The following ULK4 variants were observed in gnomAD, a reference collection of about 807,000 sequenced individuals.
The protein encoded by ULK4 is inactive serine/threonine-protein kinase ULK4.
A neutral mutation model predicts 160.6 loss-of-function variants in ULK4; 133 were observed. The observed-to-expected ratio is 0.83, with a 90% confidence interval of 0.72 to 0.96. ULK4 has a LOEUF of 0.96. ULK4 is among the 40% of genes least tolerant of loss of function. The pLI is 0.00. For missense variants in ULK4, 1,580 were observed against 1,499.5 expected, an observed-to-expected ratio of 1.05 and a Z score of -0.89; for synonymous variants, 534 against 539.8, an observed-to-expected ratio of 0.99 and a Z score of 0.15.
chr3:41,724,128 A>T (rs2037565884), intron 22 of ULK4, among the ~76,000 whole-genome samples: 1 of 152,212 alleles, frequency 6.6e-6, no homozygotes, highest in Admixed American at 6.5e-5. Context: ...TTCTACATTT[A>T]TGTCTGCTGG....
At chr3:41,452,645 C>T (rs1486838990) in intron 34 of ULK4, among the ~76,000 whole-genome samples, 1 of 152,014 alleles carries the variant, frequency 6.6e-6, no homozygotes. Flanking sequence ...GCTTCTTAAA[C>T]AAAAATGCTT....
intron 34 of ULK4, among the ~76,000 whole-genome samples, chr3:41,453,347 T>C (rs950148453): frequency 1.3e-5 from 2 of 151,898 alleles, no homozygotes; most frequent in African/African-American, 4.8e-5. Context: ...GGCCAAATTT[T>C]AAACATTTTT....
In ULK4 at chr3:41,652,597, C is replaced by T. The variant is rs1575531557; in HGVS notation, c.3071+11010G>A. On this transcript the variant is annotated intron_variant, in intron 30 of 36. Coordinates refer to ENST00000301831, the MANE Select transcript of ULK4 (RefSeq NM_017886.4). ...AGGCTGAACTGAACAAGGATATAGACTCAAACTACGAATCAAATAGTTCCA... is the reference window on the plus strand; with the variant it reads ...AGGCTGAACTGAACAAGGATATAGATTCAAACTACGAATCAAATAGTTCCA... Among the ~76,000 whole-genome samples the T allele has an allele frequency of 2.0e-5, 3 of 152,286 alleles. No homozygotes were observed. The Middle Eastern group carries it at 0.01, about 518-fold the overall frequency.
chr3:41,938,034 AAACTT>A (rs1699833427), intron 3 of ULK4, 59 bp downstream of exon 3: 1 of 1,289,160 alleles, frequency 7.8e-7, no homozygotes, highest in East Asian at 2.4e-5. Context: ...AAAAGTAACA[AAACTT>A]AACAGCATGT....
chr3:41,646,847 G>A (rs913256683), intron 30 of ULK4, among the ~76,000 whole-genome samples: 5 of 152,230 alleles, frequency 3.3e-5, no homozygotes, highest in African/African-American at 1.2e-4. Flanking sequence ...ATACAGATTT[G>A]GTCTTTTCAC....
intron 34 of ULK4, among the ~76,000 whole-genome samples, chr3:41,414,979 G>T (rs2082492876): frequency 6.6e-6 from 1 of 152,104 alleles, no homozygotes; most frequent in Non-Finnish European, 1.5e-5. Context: ...GAGTACCAGG[G>T]TGTTAAAAAA....
intron 35 of ULK4, among the ~76,000 whole-genome samples, chr3:41,305,747 C>T (rs1392092886): frequency 6.6e-6 from 1 of 150,468 alleles, no homozygotes; most frequent in African/African-American, 2.5e-5. Context: ...GCGTCTCTGC[C>T]CGGCCGCCGT....
chr3:41,601,438 T>C (rs1395847770), intron 31 of ULK4, among the ~76,000 whole-genome samples: 2 of 152,272 alleles, frequency 1.3e-5, no homozygotes, highest in East Asian at 3.9e-4. Context: ...TAGAGCTTCA[T>C]TTCCTATTCT....
At chr3:41,831,531 A>ATATATAGAGAGATATAT in intron 18 of ULK4, among the ~76,000 whole-genome samples, 12 of 138,128 alleles carry the variant, frequency 8.7e-5, no homozygotes, top group African/African-American at 3.1e-4. Context: ...ATATATATAT[A>ATATATAGAGAGATATAT]TTTTTTTTTC....
chr3:41,836,500 G>A (rs531882072), intron 17 of ULK4, among the ~76,000 whole-genome samples: 36 of 151,994 alleles, frequency 2.4e-4, no homozygotes, highest in South Asian at 1.5e-3. Context: ...CACTTCCACC[G>A]TATCACTAAT....
chr3:41,458,896 C>T (rs1024383462), intron 33 of ULK4, among the ~76,000 whole-genome samples: 2 of 151,904 alleles, frequency 1.3e-5, no homozygotes, highest in Non-Finnish European at 2.9e-5. Context: ...GCTGGGATTA[C>T]GGGTCCCCGC....
chr3:41,538,160 C>T (rs1575379284), intron 32 of ULK4, among the ~76,000 whole-genome samples: 1 of 152,036 alleles, frequency 6.6e-6, no homozygotes, highest in Non-Finnish European at 1.5e-5. Context: ...CTTCATCTTT[C>T]TTTTGCTTTA....
At chr3:41,721,109 G>A (rs547276505) in intron 22 of ULK4, among the ~76,000 whole-genome samples, 18 of 151,484 alleles carry the variant, frequency 1.2e-4, no homozygotes, top group Middle Eastern at 3.4e-3. Flanking sequence ...GGGAACTTTC[G>A]CTTATAAAGG....
chr3:41,901,828 TACAGA>T (rs1471766434), intron 12 of ULK4, among the ~76,000 whole-genome samples: 1 of 152,156 alleles, frequency 6.6e-6, no homozygotes, highest in Non-Finnish European at 1.5e-5. Flanking sequence ...ATTTCTGCTT[TACAGA>T]ACATTCAATG....
intron 35 of ULK4, among the ~76,000 whole-genome samples, chr3:41,347,265 T>C (rs1013971101): frequency 2.0e-5 from 3 of 152,236 alleles, no homozygotes; most frequent in African/African-American, 7.2e-5. Context: ...CATGTGTATA[T>C]TGCTTTTAAG....
rs187209831 is a variant in ULK4 at position 41,823,880 on chromosome 3, G to A, written c.1765-4374C>T. Among the ~76,000 whole-genome samples the A allele has an allele frequency of 4.0e-3, 603 of 152,078 alleles. 3 individuals are homozygous for A. The highest frequency in any genetic ancestry group is 0.014 in the African/African-American group (570 of 41,508). On this transcript the variant is annotated intron_variant, in intron 18 of 36. Coordinates refer to ENST00000301831, the MANE Select transcript of ULK4 (RefSeq NM_017886.4). The stretch of plus-strand genomic sequence containing the variant: ...TGTATTCAGTTAAAGTATATACCAA[G>A]GGCTGGGCATGGTGGCTCACGCCTA...
At chr3:41,923,525 C>G (rs1699275166) in intron 5 of ULK4, among the ~76,000 whole-genome samples, 1 of 152,132 alleles carries the variant, frequency 6.6e-6, no homozygotes, top group African/African-American at 2.4e-5. Context: ...ATCCCTGAAC[C>G]AATGTCAGCC....
At chr3:41,887,098 G>A (rs541486541) in intron 16 of ULK4, among the ~76,000 whole-genome samples, 1 of 152,172 alleles carries the variant, frequency 6.6e-6, no homozygotes, top group African/African-American at 2.4e-5. Flanking sequence ...TACTCAGTGG[G>A]AGTCTGTATA....
intron 5 of ULK4, among the ~76,000 whole-genome samples, chr3:41,929,530 T>C (rs952640790): frequency 3.9e-4 from 60 of 152,174 alleles, no homozygotes; most frequent in Non-Finnish European, 8.1e-4. Context: ...GGTATTCAAA[T>C]AGGCAGAGAG....
Sources: gnomAD v4.1 joint callset for allele counts (sites outside exome capture counted in the v4.1 genomes callset) on GRCh38, gnomAD v4.1.1 for gene constraint, MANE v1.5 for transcripts, NCBI Gene and HGNC (gene_info 2026-07-23, HGNC 2026-07-21) for gene names.